SH3KBP1: variants seen among roughly 807,000 people sequenced by gnomAD.
SH3KBP1 encodes the protein SH3 domain-containing kinase-binding protein 1.
SH3KBP1 carries 8 observed loss-of-function variants against 50.1 expected under a neutral mutation model. The observed-to-expected ratio is 0.16, with a 90% CI of 0.09 to 0.29. The LOEUF (loss-of-function observed/expected upper bound fraction) is 0.29. SH3KBP1 is among the 10% of genes least tolerant of loss of function. The pLI is 1.00. For missense variants in SH3KBP1, 377 were observed against 535.2 expected (o/e 0.70, Z 2.92); for synonymous variants, 227 against 218.6 (o/e 1.04, Z -0.34).
chrX:19,871,155 T>G (rs1827816230), intron 1 of SH3KBP1, among the ~76,000 whole-genome samples: 1 of 112,568 alleles, frequency 8.9e-6, no homozygotes, highest in Non-Finnish European at 1.9e-5. Context: ...TAAATAGAAC[T>G]TTCTCAAACA....
At position 19,780,648 on chromosome X, in the gene SH3KBP1, A is replaced by G. The variant is rs1032575470; in HGVS notation, c.163-34207T>C. 2.8e-5 allele frequency among the ~76,000 whole-genome samples: 3 copies of G among 107,313 alleles called. 1 individual carries two copies. The highest frequency in any genetic ancestry group is 5.8e-5 in the Non-Finnish European group (3 of 51,899). The allele number at this position is 107,313 out of a possible 115,157, so 93.2% of individuals were successfully genotyped here. A position where few individuals can be genotyped will look rare whatever the true frequency, so the allele number is the denominator to read the frequency against. On this transcript the variant is annotated intron_variant, in intron 2 of 17. Coordinates refer to ENST00000397821, the MANE Select transcript of SH3KBP1 (RefSeq NM_031892.3). ...AGGTGTAAGGAAGGGATCCGGTTTC[A>G]GCTTTCCACATATGGCTAGCCAGTT...
chrX:19,747,686 G>A (rs1352553089), intron 2 of SH3KBP1: 1 of 342,265 alleles, frequency 2.9e-6, no homozygotes, highest in Non-Finnish European at 5.9e-6. Context: ...CCCAGTTGCT[G>A]CCTCTGTTCA....
At chrX:19,595,029 T>C in intron 9 of SH3KBP1, 29 bp from the exon 10 acceptor site, 5 of 1,062,316 alleles carry the variant, frequency 4.7e-6, no homozygotes, top group Non-Finnish European at 6.6e-6. Context: ...TTATACCACA[T>C]GAGATTGTTG....
intron 2 of SH3KBP1, chrX:19,799,817 C>A (rs2066844278): frequency 8.2e-6 from 9 of 1,094,333 alleles, no homozygotes; most frequent in Non-Finnish European, 1.1e-5. Context: ...CTGTCCCGTA[C>A]CCAACCCGCC....
intron 15 of SH3KBP1, among the ~76,000 whole-genome samples, chrX:19,544,647 A>G (rs2065035270): frequency 8.9e-6 from 1 of 111,747 alleles, no homozygotes; most frequent in African/African-American, 3.3e-5. Flanking sequence ...TGACTTCCAG[A>G]CACTTCTTGA....
At chrX:19,608,146 C>T (rs758344607) in intron 8 of SH3KBP1, 101 bp from the exon 9 acceptor site, 71 of 636,061 alleles carry the variant, frequency 1.1e-4, no homozygotes, top group Middle Eastern at 9.9e-4. Context: ...CCTGGAGGTC[C>T]GTGTTAATGA....
At chrX:19,743,659 C>T (rs750584140) in intron 3 of SH3KBP1, among the ~76,000 whole-genome samples, 1 of 111,574 alleles carries the variant, frequency 9.0e-6, no homozygotes, top group Non-Finnish European at 1.9e-5. Context: ...GGAGGGTGAG[C>T]TCATCCCACA....
intron 2 of SH3KBP1, among the ~76,000 whole-genome samples, chrX:19,791,722 G>A (rs1308542826): frequency 9.0e-6 from 1 of 111,252 alleles, no homozygotes; most frequent in African/African-American, 3.3e-5. Flanking sequence ...CTTAAAGGAC[G>A]GTTAAGCAAC....
intron 2 of SH3KBP1, among the ~76,000 whole-genome samples, chrX:19,768,144 C>T (rs1247865934): frequency 3.6e-5 from 4 of 109,964 alleles, no homozygotes; most frequent in East Asian, 5.7e-4. Context: ...CAGACACAAA[C>T]GCAGATGAAC....
chrX:19,718,908 T>C (rs2063983895), intron 3 of SH3KBP1, among the ~76,000 whole-genome samples: 1 of 111,166 alleles, frequency 9.0e-6, no homozygotes, highest in African/African-American at 3.3e-5. Context: ...GCCAAGGTTA[T>C]CTTCCCTGGC....
intron 8 of SH3KBP1, among the ~76,000 whole-genome samples, chrX:19,631,235 A>G (rs967579821): frequency 8.9e-6 from 1 of 112,869 alleles, no homozygotes; most frequent in Non-Finnish European, 1.9e-5. Flanking sequence ...CTTAAATAAT[A>G]TATCTTTCAA....
At chrX:19,720,146 T>C (rs1476563075) in intron 3 of SH3KBP1, among the ~76,000 whole-genome samples, 1 of 109,996 alleles carries the variant, frequency 9.1e-6, no homozygotes, top group Non-Finnish European at 1.9e-5. Flanking sequence ...CCAATCAGAG[T>C]GAGATAAAGG....
chrX:19,841,150 T>C (rs148954917), intron 1 of SH3KBP1, among the ~76,000 whole-genome samples: 5,587 of 111,545 alleles, frequency 0.05, 353 homozygotes, highest in African/African-American at 0.17. Context: ...CTTCTCACTA[T>C]GGCGGTGGTG....
At chrX:19,877,683 A>C (rs1022825412) in intron 1 of SH3KBP1, among the ~76,000 whole-genome samples, 1 of 112,559 alleles carries the variant, frequency 8.9e-6, no homozygotes, top group East Asian at 2.8e-4. Context: ...CTGGCTGGTA[A>C]GAAGCTCAAG....
chrX:19,773,491 A>G (rs975369020), intron 2 of SH3KBP1, among the ~76,000 whole-genome samples: 1 of 92,611 alleles, frequency 1.1e-5, no homozygotes, highest in African/African-American at 4.8e-5. Context: ...TCTCACACAC[A>G]CAAACACACA....
intron 16 of SH3KBP1, among the ~76,000 whole-genome samples, chrX:19,540,317 C>T (rs974353918): frequency 1.8e-5 from 2 of 110,684 alleles, no homozygotes; most frequent in South Asian, 3.9e-4. Flanking sequence ...GGCTTCAATT[C>T]CCTCCCAGCC....
Position 19,552,695 on chromosome X carries a change from G to A in SH3KBP1, c.1385-2612C>T, listed in dbSNP as rs182683486. On this transcript the variant is annotated intron_variant, in intron 13 of 17. Transcript: ENST00000397821. Reference sequence around the variant, plus strand: ...TGCTTCTCCAACTCAGCTGCACGGAGGAATCACCTGGACAATTTAAAAAAA... The same window carrying A: ...TGCTTCTCCAACTCAGCTGCACGGAAGAATCACCTGGACAATTTAAAAAAA... 2.6e-3 allele frequency among the ~76,000 whole-genome samples: 291 copies of A among 110,229 alleles called. 1 individual carries two copies. Among genetic ancestry groups the A allele is most frequent in the African/African-American group, 8.8e-3 (265 of 30,253 alleles).
chrX:19,545,462 TTTTC>T (rs1411045702), intron 15 of SH3KBP1, among the ~76,000 whole-genome samples: 7 of 112,628 alleles, frequency 6.2e-5, no homozygotes, highest in Non-Finnish European at 1.1e-4. Flanking sequence ...TCCAAATCAA[TTTTC>T]TTTAAGAGAC....
chrX:19,613,201 G>A (rs986648967), intron 8 of SH3KBP1, among the ~76,000 whole-genome samples: 4 of 112,269 alleles, frequency 3.6e-5, no homozygotes, highest in African/African-American at 1.3e-4. Context: ...GAGGAGAGAG[G>A]TAACGTGGCC....
Sources: gnomAD v4.1 joint callset for allele counts (sites outside exome capture counted in the v4.1 genomes callset) on GRCh38, gnomAD v4.1.1 for gene constraint, MANE v1.5 for transcripts, NCBI Gene and HGNC (gene_info 2026-07-23, HGNC 2026-07-21) for gene names.